The following SLC66A2 variants were observed in gnomAD, a reference collection of about 807,000 sequenced individuals.
SLC66A2 encodes the protein solute carrier family 66 member 2, also known as PQ loop repeat containing 1.
SLC66A2 carries 23 observed loss-of-function variants against 25.5 expected under a neutral mutation model. The ratio of observed to expected loss-of-function variants is 0.90; its 90% CI spans 0.65 to 1.28. SLC66A2 has a LOEUF of 1.28. SLC66A2 is among the 50% of genes most tolerant of loss of function. The probability of loss-of-function intolerance (pLI) is 0.00; values close to 1 mark genes in which losing one functional copy is unlikely to be tolerated. For synonymous variants in SLC66A2, 193 were observed against 166.5 expected (o/e 1.16, Z -1.23); for missense variants, 396 against 373.1 (o/e 1.06, Z -0.51).
intron 5 of SLC66A2, among the ~76,000 whole-genome samples, chr18:79,911,791 G>A (rs1482467280): frequency 6.7e-6 from 1 of 148,200 alleles, no homozygotes; most frequent in Non-Finnish European, 1.5e-5. Flanking sequence ...GGAGGAGACA[G>A]GAGCAGAGGG....
rs1267625620 is a variant in SLC66A2, at chr18:79,941,111, T to A, written c.337+2218A>T. The stretch of plus-strand genomic sequence containing the variant: ...GCAGCCACAATGCAGGCTGATTATC[T>A]TAATTCTGGAGGCCAGAGGCCCAGT... On this transcript the variant is annotated intron_variant, in intron 3 of 5. Coordinates refer to ENST00000397778, the MANE Select transcript of SLC66A2 (RefSeq NM_025078.5). The surrounding 1 kb of genome is among the most constrained non-coding windows in gnomAD (Gnocchi z 4.1). 1.3e-5 allele frequency among the ~76,000 whole-genome samples: 2 copies of A among 152,196 alleles called. No individual in the cohort carries two copies. The highest frequency in any genetic ancestry group is 2.9e-5 in the Non-Finnish European group (2 of 68,034).
intron 4 of SLC66A2, among the ~76,000 whole-genome samples, chr18:79,923,259 G>GGACGGGGGGCCATGGACA (rs1985504585): frequency 7.8e-6 from 1 of 129,014 alleles, no homozygotes; most frequent in Non-Finnish European, 1.7e-5. Context: ...GGTGGGTGGA[G>GGACGGGGGGCCATGGACA]GACGGGGGGC....
At chr18:79,926,040 T>C (rs951915112) in intron 4 of SLC66A2, among the ~76,000 whole-genome samples, 39 of 152,244 alleles carry the variant, frequency 2.6e-4, no homozygotes, top group Middle Eastern at 3.4e-3. Flanking sequence ...TGACCTCTGG[T>C]CGTCCTCACT....
Position 79,941,293 on chromosome 18 carries a change from C to T in SLC66A2, c.337+2036G>A, listed in dbSNP as rs911544944. ...CTCCAGCACCTGACCATCTCCTCTG[C>T]GGCCCTTGTTCACGTCTGAGGACCC... On this transcript the variant is annotated intron_variant, in intron 3 of 5. Transcript: ENST00000397778. The surrounding 1 kb of genome is among the most constrained non-coding windows in gnomAD (Gnocchi z 4.1). 2.0e-5 allele frequency among the ~76,000 whole-genome samples: 3 copies of T among 152,204 alleles called. No individual in the cohort carries two copies. The highest frequency in any genetic ancestry group is 2.1e-4 in the South Asian group (1 of 4,834).
intron 5 of SLC66A2, among the ~76,000 whole-genome samples, chr18:79,916,305 G>GTACCCGTGGTGCTGCCA (rs1984150948): frequency 1.8e-5 from 2 of 108,240 alleles, no homozygotes; most frequent in African/African-American, 6.2e-5. Flanking sequence ...TGGTGCTCCC[G>GTACCCGTGGTGCTGCCA]TACCCGTGGT....
At chr18:79,905,130 A>G (rs553917498) in intron 5 of SLC66A2, among the ~76,000 whole-genome samples, 16 of 152,338 alleles carry the variant, frequency 1.1e-4, no homozygotes, top group East Asian at 3.9e-4. Flanking sequence ...TCCCAAGCCC[A>G]CAGTGCTCGG....
In SLC66A2 at chr18:79,917,734, G is replaced by C. The variant is rs1003412306; in HGVS notation, c.608+1450C>G. Among the ~76,000 whole-genome samples, 1 of 151,744 alleles carries C rather than the reference G, an allele frequency of 6.6e-6. No homozygotes were observed. Among genetic ancestry groups the C allele is most frequent in the Non-Finnish European group, 1.5e-5 (1 of 67,904 alleles). On this transcript the variant is annotated intron_variant, in intron 5 of 5. Coordinates refer to ENST00000397778, the MANE Select transcript of SLC66A2 (RefSeq NM_025078.5). The surrounding 1 kb of genome is among the most constrained non-coding windows in gnomAD (Gnocchi z 6.0). ...CTGTTCCAGCCATGGACACCCTCTC[G>C]GGCCTCCATGCACCCTCGCCCGAGA...
chr18:79,905,789 G>A (rs1982036902), intron 5 of SLC66A2, among the ~76,000 whole-genome samples: 1 of 152,340 alleles, frequency 6.6e-6, no homozygotes, highest in African/African-American at 2.4e-5. Flanking sequence ...CCCACACAAA[G>A]CCCGTGGCTT....
chr18:79,948,965 G>A (rs899157407), intron 2 of SLC66A2, among the ~76,000 whole-genome samples: 20 of 152,166 alleles, frequency 1.3e-4, no homozygotes, highest in East Asian at 3.9e-4. Flanking sequence ...CGCCAGCCAC[G>A]TCTCCAAAGC....
At chr18:79,934,846 A>G (rs1324362951) in intron 3 of SLC66A2, among the ~76,000 whole-genome samples, 1 of 152,262 alleles carries the variant, frequency 6.6e-6, no homozygotes, top group Non-Finnish European at 1.5e-5. Context: ...AAATTTTGCA[A>G]GTGAACAGCT....
intron 5 of SLC66A2, among the ~76,000 whole-genome samples, chr18:79,905,417 C>G (rs956409958): frequency 6.6e-6 from 1 of 151,472 alleles, no homozygotes; most frequent in African/African-American, 2.4e-5. Context: ...GCAGGCCCCT[C>G]GGCCTCTCAC....
chr18:79,919,132 C>T (rs1984655447), intron 5 of SLC66A2, 52 bp downstream of exon 5: 32 of 1,494,532 alleles, frequency 2.1e-5, no homozygotes, highest in Non-Finnish European at 2.9e-5. Flanking sequence ...AATCTGCAGC[C>T]ATGTGGTGCC....
At chr18:79,915,305 C>G (rs1340210488) in intron 5 of SLC66A2, 1 of 152,384 alleles carries the variant, frequency 6.6e-6, no homozygotes, top group Non-Finnish European at 1.5e-5. Flanking sequence ...CCGCATCCCC[C>G]CAGGGCCCGC....
intron 3 of SLC66A2, chr18:79,935,344 G>A (rs1205199948): frequency 6.6e-6 from 1 of 152,286 alleles, no homozygotes; most frequent in Non-Finnish European, 1.5e-5. Context: ...CTGGAAAGCA[G>A]TGTGATCAGA....
chr18:79,945,717 C>G (rs761699650), intron 2 of SLC66A2, among the ~76,000 whole-genome samples: 2 of 152,204 alleles, frequency 1.3e-5, no homozygotes, highest in East Asian at 1.9e-4. Flanking sequence ...CACGGGCACT[C>G]TGCCCACAGG....
Position 79,904,250 on chromosome 18 carries a change from G to A in SLC66A2, c.609-67C>T, listed in dbSNP as rs1981681700. The stretch of plus-strand genomic sequence containing the variant: ...CGACCTGGGCTCAGTCAGTGGGGAG[G>A]CCTGGGGCTTAGACAGCGGGGAGAC... On this transcript the variant is annotated intron_variant, in intron 5 of 5. Transcript: ENST00000397778. This position sits in a 1 kb window ranked among gnomAD's most constrained non-coding sequence, Gnocchi z 6.3. 1 of 1,433,158 alleles carries A rather than the reference G, an allele frequency of 7.0e-7. No homozygotes were observed. The highest frequency in any genetic ancestry group is 1.2e-5 in the South Asian group (1 of 86,362). The allele number at this position is 1,433,158 out of a possible 1,614,324, so 88.8% of individuals were successfully genotyped here.
At chr18:79,921,707 A>T (rs1985211591) in intron 4 of SLC66A2, among the ~76,000 whole-genome samples, 1 of 64,116 alleles carries the variant, frequency 1.6e-5, no homozygotes, top group Non-Finnish European at 3.4e-5. Context: ...GTGAGAGGTC[A>T]AGGTCAGTGG....
Position 79,904,995 on chromosome 18 carries a change from GGGTGGGCACCT to G in SLC66A2, c.609-823_609-813del, listed in dbSNP as rs1389604229. On this transcript the variant is annotated intron_variant, in intron 5 of 5. Transcript: ENST00000397778. The surrounding 1 kb of genome is among the most constrained non-coding windows in gnomAD (Gnocchi z 6.3). Reference sequence around the variant, plus strand: ...GGGCGTCCGTCCCGCTCATAAGCCAGGGTGGGCACCTGGGTGCCGTAGCCGCCCTGTGTGAG... The same window carrying G: ...GGGCGTCCGTCCCGCTCATAAGCCAGGGGTGCCGTAGCCGCCCTGTGTGAG... Among the ~76,000 whole-genome samples the G allele has an allele frequency of 6.6e-6, 1 of 152,192 alleles. No individual in the cohort carries two copies. Among genetic ancestry groups the G allele is most frequent in the Non-Finnish European group, 1.5e-5 (1 of 68,022 alleles).
rs536309926 is a variant in SLC66A2 at position 79,938,097 on chromosome 18, G to T, written c.338-4075C>A. On this transcript the variant is annotated intron_variant, in intron 3 of 5. Transcript: ENST00000397778. Reference sequence around the variant, plus strand: ...GGAATTCAAGGTGATAATGAGCTTTGATAACACCACTGCACTCCAGCCTGG... The same window carrying T: ...GGAATTCAAGGTGATAATGAGCTTTTATAACACCACTGCACTCCAGCCTGG... Among the ~76,000 whole-genome samples the T allele has an allele frequency of 3.6e-3, 542 of 149,906 alleles. 5 individuals carry two copies. Among genetic ancestry groups the T allele is most frequent in the African/African-American group, 0.013 (524 of 40,672 alleles).
Sources: gnomAD v4.1 joint callset for allele counts (sites outside exome capture counted in the v4.1 genomes callset) on GRCh38, gnomAD v4.1.1 for gene constraint, Gnocchi (gnomAD v3.1) non-coding constraint, MANE v1.5 for transcripts, NCBI Gene and HGNC (gene_info 2026-07-23, HGNC 2026-07-21) for gene names.